Variants in AUH observed in about 807,000 individuals in gnomAD.
AUH encodes the protein methylglutaconyl-CoA hydratase, mitochondrial.
In AUH, 29 loss-of-function variants were observed where a neutral mutation model predicts 42.3. That is an observed-to-expected ratio of 0.69 (90% CI 0.51 to 0.93). The LOEUF (loss-of-function observed/expected upper bound fraction) is 0.93, where lower values mean the gene tolerates loss of function less well. Ranked by LOEUF, AUH falls within the 40% of genes least tolerant of loss-of-function variation. AUH has a pLI of 0.00. For missense variants in AUH, 452 were observed against 438.1 expected (o/e 1.03, Z -0.28); for synonymous variants, 174 against 166.4 (o/e 1.05, Z -0.35).
chr9:91,299,619 T>C (rs964287111), intron 4 of AUH, among the ~76,000 whole-genome samples: 6 of 152,164 alleles, frequency 3.9e-5, no homozygotes, highest in African/African-American at 1.4e-4. Flanking sequence ...ATGTCAGGGT[T>C]TGCAGTCTGG....
intron 6 of AUH, among the ~76,000 whole-genome samples, chr9:91,228,440 C>T (rs1040146327): frequency 2.7e-5 from 4 of 146,552 alleles, no homozygotes; most frequent in Non-Finnish European, 6.1e-5. Flanking sequence ...TGATTCTTCT[C>T]TCTTTTTTTC....
At chr9:91,357,226 C>T (rs1029527452) in intron 1 of AUH, among the ~76,000 whole-genome samples, 1 of 152,218 alleles carries the variant, frequency 6.6e-6, no homozygotes, top group African/African-American at 2.4e-5. Context: ...TCAGGCACTG[C>T]TCCAGGTGCT....
intron 3 of AUH, among the ~76,000 whole-genome samples, chr9:91,336,869 G>C (rs1013103223): frequency 1.3e-5 from 2 of 152,108 alleles, no homozygotes; most frequent in African/African-American, 4.8e-5. Flanking sequence ...TTAATTTAAA[G>C]AGGACAGCCA....
Position 91,214,048 on chromosome 9 carries a change from A to G in AUH, c.*300T>C, listed in dbSNP as rs1205092830. The G allele has an allele frequency of 6.4e-6, 2 of 310,982 alleles. No individual in the cohort carries two copies. The highest frequency in any genetic ancestry group is 4.3e-5 in the African/African-American group (2 of 46,952). 19.3% of individuals were successfully genotyped at this position (310,982 alleles called of 1,614,324 possible). ...CCCTAGAATGTGCAATATATAAATT[A>G]TTCACATTAAAAAATTAACAGAAAG... On this transcript the variant is annotated 3_prime_UTR_variant, in exon 10 of 10. Coordinates refer to ENST00000375731, the MANE Select transcript of AUH (RefSeq NM_001698.3).
chr9:91,256,534 T>C (rs1398803994), intron 6 of AUH, among the ~76,000 whole-genome samples: 1 of 152,014 alleles, frequency 6.6e-6, no homozygotes, highest in East Asian at 1.9e-4. Flanking sequence ...AAAGTCACTG[T>C]AGTCTTAACA....
At chr9:91,258,977 G>A (rs963275282) in intron 6 of AUH, among the ~76,000 whole-genome samples, 2 of 152,170 alleles carry the variant, frequency 1.3e-5, no homozygotes, top group African/African-American at 2.4e-5. Context: ...ATGCTTGTCT[G>A]TATATATCTT....
At chr9:91,312,010 CT>C (rs57982846) in intron 4 of AUH, among the ~76,000 whole-genome samples, 17,735 of 142,546 alleles carry the variant, frequency 0.12, 1,124 homozygotes, top group African/African-American at 0.19. Flanking sequence ...AGTCACATGA[CT>C]TTTTTTTTTT....
chr9:91,225,286 T>C (rs962130774), intron 6 of AUH, among the ~76,000 whole-genome samples: 1 of 152,232 alleles, frequency 6.6e-6, no homozygotes, highest in African/African-American at 2.4e-5. Context: ...CTAGTTAGCA[T>C]GCCATGCCTG....
intron 4 of AUH, among the ~76,000 whole-genome samples, chr9:91,317,906 A>ATTTT (rs1284025369): frequency 1.3e-4 from 20 of 152,352 alleles, no homozygotes; most frequent in African/African-American, 4.8e-4. Context: ...TCATTGGCTA[A>ATTTT]CATCATGAGT....
intron 3 of AUH, among the ~76,000 whole-genome samples, chr9:91,325,708 G>C (rs1256686063): frequency 6.6e-6 from 1 of 152,106 alleles, no homozygotes; most frequent in Non-Finnish European, 1.5e-5. Context: ...TACTCTATTA[G>C]AAATCAAAAC....
intron 4 of AUH, among the ~76,000 whole-genome samples, chr9:91,304,344 C>T (rs1480201882): frequency 6.6e-6 from 1 of 152,140 alleles, no homozygotes; most frequent in African/African-American, 2.4e-5. Context: ...GAAAAACTGC[C>T]TAGAAACAGC....
At chr9:91,327,949 G>A (rs1180202055) in intron 3 of AUH, among the ~76,000 whole-genome samples, 1 of 152,190 alleles carries the variant, frequency 6.6e-6, no homozygotes, top group Non-Finnish European at 1.5e-5. Context: ...GCCTCAAGCT[G>A]AGTGTGGAGG....
Position 91,295,993 on chromosome 9 carries a change from T to C in AUH, c.655+28A>G, listed in dbSNP as rs757443656. The C allele has an allele frequency of 5.4e-5, 87 of 1,613,240 alleles. 1 individual carries two copies. In the Admixed American group the frequency reaches 1.5e-3, roughly 27 times the overall value. On this transcript the variant is annotated intron_variant, in intron 6 of 9. Transcript: ENST00000375731. ...CTGTTTCTAGGACCAAATCAAGGAT[T>C]TGAGGAATGGGCGTGAACTACTCAT...
At chr9:91,352,309 T>C (rs773034155) in intron 3 of AUH, among the ~76,000 whole-genome samples, 1 of 152,078 alleles carries the variant, frequency 6.6e-6, no homozygotes, top group African/African-American at 2.4e-5. Context: ...GGGACCAGCA[T>C]TGTATAATGC....
At chr9:91,354,881 T>A (rs527740796) in intron 3 of AUH, among the ~76,000 whole-genome samples, 1 of 143,086 alleles carries the variant, frequency 7.0e-6, no homozygotes, top group Non-Finnish European at 1.5e-5. Context: ...GATCTAGACA[T>A]AAGAATCCTA....
chr9:91,232,203 A>G (rs778118525), intron 6 of AUH, among the ~76,000 whole-genome samples: 3 of 152,040 alleles, frequency 2.0e-5, no homozygotes, highest in Non-Finnish European at 4.4e-5. Context: ...TGGCCAACGT[A>G]ACAAGACTCT....
At chr9:91,301,287 T>A (rs1460572296) in intron 4 of AUH, among the ~76,000 whole-genome samples, 2 of 152,208 alleles carry the variant, frequency 1.3e-5, no homozygotes, top group African/African-American at 4.8e-5. Flanking sequence ...TATTTGGTCT[T>A]CATCCCTGTT....
At chr9:91,252,599 C>T (rs938866602) in intron 6 of AUH, among the ~76,000 whole-genome samples, 2 of 152,148 alleles carry the variant, frequency 1.3e-5, no homozygotes, top group Non-Finnish European at 2.9e-5. Flanking sequence ...ACTCCCAACC[C>T]CACCCAGCTA....
chr9:91,249,849 C>T (rs972158283), intron 6 of AUH, among the ~76,000 whole-genome samples: 3 of 150,666 alleles, frequency 2.0e-5, no homozygotes, highest in African/African-American at 7.3e-5. Flanking sequence ...ATCTCTACTA[C>T]AAATACAAAA....
Sources: allele counts gnomAD v4.1 joint callset (sites outside exome capture counted in the v4.1 genomes callset), GRCh38; gene constraint gnomAD v4.1.1; transcripts MANE v1.5; gene names NCBI Gene and HGNC (gene_info 2026-07-23, HGNC 2026-07-21).